Variants in ZFPL1 observed in about 807,000 individuals in gnomAD.
The protein encoded by ZFPL1 is zinc finger protein-like 1.
ZFPL1 carries 28 observed loss-of-function variants against 32.0 expected under a neutral mutation model. That is an observed-to-expected ratio of 0.87 (90% CI 0.65 to 1.20). The LOEUF (loss-of-function observed/expected upper bound fraction) is 1.20, where lower values mean the gene tolerates loss of function less well. Ranked by LOEUF, ZFPL1 falls within the 50% of genes most tolerant of loss-of-function variation. ZFPL1 has a pLI of 0.00. For missense variants in ZFPL1, 386 were observed against 424.8 expected, an observed-to-expected ratio of 0.91 and a Z score of 0.80; for synonymous variants, 165 against 177.0, an observed-to-expected ratio of 0.93 and a Z score of 0.54.
intron 2 of ZFPL1, 71 bp from the exon 3 acceptor site, chr11:65,085,044 A>G (rs1056132070): frequency 7.0e-6 from 10 of 1,438,442 alleles, no homozygotes; most frequent in Non-Finnish European, 9.8e-6. Flanking sequence ...AGAGAAAAAG[A>G]GACAGTCGGA....
In ZFPL1 at chr11:65,087,724, C is replaced by T. The variant is rs532735507; in HGVS notation, c.747-204C>T. ...GTAATTCTCCCCGACGTCTGACACA[C>T]TGTGGTTTCCAGAATACAGTCGTGC... On this transcript the variant is annotated intron_variant, in intron 7 of 7. Coordinates refer to ENST00000294258, the MANE Select transcript of ZFPL1 (RefSeq NM_006782.4). 8.0e-5 allele frequency: 51 copies of T among 635,384 alleles called. No homozygotes were observed. The Admixed American group carries it at 1.5e-3, about 18-fold the overall frequency. 39.4% of individuals were successfully genotyped at this position (635,384 alleles called of 1,614,324 possible). A position where few individuals can be genotyped will look rare whatever the true frequency, so the allele number is the denominator to read the frequency against.
At chr11:65,085,982 G>T in intron 3 of ZFPL1, 3 of 175,218 alleles carry the variant, frequency 1.7e-5, no homozygotes, top group South Asian at 1.2e-4. Context: ...TAGATATAGG[G>T]AATGCCACTT....
At chr11:65,085,348 G>C (rs780237427) in intron 3 of ZFPL1, 122 bp downstream of exon 3, 4 of 856,864 alleles carry the variant, frequency 4.7e-6, no homozygotes, top group Non-Finnish European at 7.7e-6. Context: ...CCAGATTCTA[G>C]TCCTGTTAAA....
chr11:65,088,297 C>T lies in ZFPL1; in HGVS notation c.*183C>T. 9.1e-7 allele frequency: 1 copy of T among 1,103,836 alleles called. No homozygotes were observed. Among genetic ancestry groups the T allele is most frequent in the Non-Finnish European group, 1.3e-6 (1 of 765,606 alleles). The allele number at this position is 1,103,836 out of a possible 1,614,324, so 68.4% of individuals were successfully genotyped here. On this transcript the variant is annotated 3_prime_UTR_variant, in exon 8 of 8. Coordinates refer to ENST00000294258, the MANE Select transcript of ZFPL1 (RefSeq NM_006782.4). ...GGCCAGGCCTGGAGTCCCCGTGGGT[C>T]AAGCATTTGTCTTGACTTGCTTTCC...
Position 65,088,324 on chromosome 11 carries a change from C to G in ZFPL1, c.*210C>G. ...AGCATTTGTCTTGACTTGCTTTCCT[C>G]CCGGGTCTCCAGCCTCCGACCCCTC... On this transcript the variant is annotated 3_prime_UTR_variant, in exon 8 of 8. Coordinates refer to ENST00000294258, the MANE Select transcript of ZFPL1 (RefSeq NM_006782.4). 1 of 1,152,716 alleles carries G rather than the reference C, an allele frequency of 8.7e-7. No individual in the cohort carries two copies. The highest frequency in any genetic ancestry group is 1.2e-6 in the Non-Finnish European group (1 of 802,810). The allele number at this position is 1,152,716 out of a possible 1,614,324, so 71.4% of individuals were successfully genotyped here. A position where few individuals can be genotyped will look rare whatever the true frequency, so the allele number is the denominator to read the frequency against.
Position 65,085,133 on chromosome 11 carries a change from C to G in ZFPL1, c.121C>G (p.Leu41Val). Residue 41 changes from leucine to valine, a missense_variant, in exon 3 of 8, where the codon CTG (leucine) becomes GTG (valine). Coordinates refer to ENST00000294258, the MANE Select transcript of ZFPL1 (RefSeq NM_006782.4). ...ACTCCAGTGCATCGTCCAGTCCTAC[C>G]TGCAATGGCTCCAAGATAGCGACTA... ...NHAKCIVQSYLQWLQDSDYNP... is the reference protein window; with the variant it reads ...NHAKCIVQSYVQWLQDSDYNP... 6.2e-7 allele frequency: 1 copy of G among 1,614,226 alleles called. No homozygotes were observed. The highest frequency in any genetic ancestry group is 1.6e-4 in the Middle Eastern group (1 of 6,062).
chr11:65,085,522 C>T (rs1385030164), intron 3 of ZFPL1: 3 of 455,614 alleles, frequency 6.6e-6, no homozygotes, highest in Admixed American at 3.4e-5. Context: ...TGCTGGTGGC[C>T]GTGACTATTA....
chr11:65,087,432 AG>A lies in ZFPL1; in HGVS notation c.746+1del. 6.2e-7 allele frequency: 1 copy of A among 1,614,024 alleles called. No homozygotes were observed. Among genetic ancestry groups the A allele is most frequent in the Non-Finnish European group, 8.5e-7 (1 of 1,179,940 alleles). On this transcript the variant is annotated frameshift_variant and splice_region_variant, in exon 7 of 8. Transcript: ENST00000294258. LOFTEE classifies it high-confidence loss of function. ...CTTGGGTTGGCTGGCCCGGCTGCTA[AG>A]GTACACAGGGTCAGGCAGGGCGGAA... Reference protein sequence around the residue: ...PALGWLARLLRSRAGSRKRPL... With the variant: ...PALGWLARLLXSRAGSRKRPL...
intron 7 of ZFPL1, 154 bp from the exon 8 acceptor site, chr11:65,087,774 A>G (rs1947694287): frequency 1.3e-6 from 1 of 794,352 alleles, no homozygotes; most frequent in Admixed American, 2.9e-5. Flanking sequence ...GAGCTGCACA[A>G]TAACGCCCTA....
chr11:65,087,471 G>A, intron 7 of ZFPL1, 38 bp downstream of exon 7: 2 of 1,596,488 alleles, frequency 1.3e-6, no homozygotes, highest in Non-Finnish European at 1.7e-6. Flanking sequence ...CCAGGAAGGG[G>A]TGGAGAGGGA....
In ZFPL1 at chr11:65,084,860, C is replaced by T. The variant is rs1317039281; in HGVS notation, c.102+60C>T. 4.8e-5 allele frequency: 76 copies of T among 1,592,144 alleles called. No individual in the cohort carries two copies. In the East Asian group the frequency reaches 1.7e-3, roughly 35 times the overall value. ...TGGGTGGGCAAGGCGGTATTGGCTT[C>T]CTCCAAATCCATGAGGGGCCCCGCG... On this transcript the variant is annotated intron_variant, in intron 2 of 7. Coordinates refer to ENST00000294258, the MANE Select transcript of ZFPL1 (RefSeq NM_006782.4).
intron 2 of ZFPL1, 27 bp from the exon 3 acceptor site, chr11:65,085,088 A>G: frequency 6.2e-7 from 1 of 1,605,690 alleles, no homozygotes; most frequent in East Asian, 2.2e-5. Flanking sequence ...CCCCAGCACC[A>G]GTTGTGACAT....
intron 6 of ZFPL1, 85 bp downstream of exon 6, chr11:65,087,159 C>T: frequency 1.3e-6 from 2 of 1,565,188 alleles, no homozygotes; most frequent in South Asian, 1.2e-5. Flanking sequence ...ATCCAGAGAC[C>T]CACCCGGAGG....
intron 3 of ZFPL1, chr11:65,086,002 T>A: frequency 4.9e-5 from 10 of 203,946 alleles, no homozygotes; most frequent in South Asian, 1.4e-4. Flanking sequence ...TGTGTTTGAT[T>A]ATGTGCTTAT....
chr11:65,084,517 G>T, intron 1 of ZFPL1, 139 bp downstream of exon 1: 1 of 621,272 alleles, frequency 1.6e-6, no homozygotes, highest in South Asian at 2.0e-5. Flanking sequence ...GTCGCCGGAG[G>T]CGGGATTTAT....
chr11:65,085,256 G>T, intron 3 of ZFPL1, 30 bp downstream of exon 3: 1 of 1,601,610 alleles, frequency 6.2e-7, no homozygotes, highest in South Asian at 1.1e-5. Flanking sequence ...GGGGGATCAG[G>T]CCAGCCTCAG....
intron 4 of ZFPL1, 54 bp from the exon 5 acceptor site, chr11:65,086,666 T>C (rs932575938): frequency 6.2e-7 from 1 of 1,613,966 alleles, no homozygotes; most frequent in African/African-American, 1.3e-5. Flanking sequence ...CTGAGTCAGA[T>C]GGGTGGGTGG....
intron 3 of ZFPL1, chr11:65,086,069 G>A (rs1947676472): frequency 2.7e-6 from 1 of 372,490 alleles, no homozygotes; most frequent in African/African-American, 2.1e-5. Flanking sequence ...GCCTGTGTGT[G>A]TATCGAGGAA....
At chr11:65,085,294 C>A (rs1163491786) in intron 3 of ZFPL1, 68 bp downstream of exon 3, 1 of 1,405,290 alleles carries the variant, frequency 7.1e-7, no homozygotes. Context: ...GGTTTCCAGG[C>A]CCTCCTCAAG....
Sources: allele counts gnomAD v4.1 joint callset, GRCh38; gene constraint gnomAD v4.1.1; transcripts MANE v1.5; gene names NCBI Gene and HGNC (gene_info 2026-07-23, HGNC 2026-07-21).